PAXBP1: variants seen among roughly 807,000 people sequenced by gnomAD.
PAXBP1 encodes the protein PAX3- and PAX7-binding protein 1.
Under a neutral mutation model 119.9 loss-of-function variants are expected in PAXBP1, and 44 were observed. The observed-to-expected ratio is 0.37, with a 90% confidence interval of 0.29 to 0.47. The LOEUF is 0.47. PAXBP1 is among the 20% of genes least tolerant of loss of function. The pLI, the probability that PAXBP1 is intolerant of heterozygous loss-of-function variation, is 0.99. For synonymous variants in PAXBP1, 393 were observed against 406.6 expected, an observed-to-expected ratio of 0.97 and a Z score of 0.40; for missense variants, 898 against 1,134.1, an observed-to-expected ratio of 0.79 and a Z score of 2.99.
intron 8 of PAXBP1, chr21:32,751,801 C>T (rs1037351505): frequency 6.6e-6 from 1 of 152,220 alleles, no homozygotes; most frequent in Non-Finnish European, 1.5e-5. Context: ...TTCTCTTTCA[C>T]AGCATAGTTT....
rs1229808827 is a variant in PAXBP1, at chr21:32,751,184, A to G, written c.1542T>C (p.Phe514=). The G allele has an allele frequency of 4.3e-6, 7 of 1,614,020 alleles. No individual in the cohort carries two copies. The Admixed American group carries it at 6.7e-5, about 15-fold the overall frequency. The change falls in exon 9 of 18, where the codon TTT becomes TTC. Residue 514 remains phenylalanine (F), a synonymous_variant. Coordinates refer to ENST00000331923, the MANE Select transcript of PAXBP1 (RefSeq NM_016631.4). ...KALMAPNLDS[F]GRDRALYQEH... is the part of the protein sequence containing the mutation. ...CTTGATACAGTGCCCGATCGCGTCC[A>G]AAGGAGTCAAGATTTGGTGCCATCA...
At chr21:32,767,217 G>A (rs1479630573) in intron 2 of PAXBP1, among the ~76,000 whole-genome samples, 1 of 152,184 alleles carries the variant, frequency 6.6e-6, no homozygotes, top group African/African-American at 2.4e-5. Context: ...AGTCAATACC[G>A]TGGTTATTTT....
chr21:32,759,620 T>C, intron 6 of PAXBP1, 157 bp downstream of exon 6: 1 of 685,450 alleles, frequency 1.5e-6, no homozygotes, highest in Non-Finnish European at 2.5e-6. Flanking sequence ...TCCAAGAAGG[T>C]AGCAGAACAA....
chr21:32,759,378 A>T, intron 6 of PAXBP1, 109 bp from the exon 7 acceptor site: 1 of 1,063,428 alleles, frequency 9.4e-7, no homozygotes, highest in East Asian at 2.6e-5. Context: ...AGAACATAAA[A>T]ATATTTGGAA....
intron 1 of PAXBP1, among the ~76,000 whole-genome samples, chr21:32,770,930 G>C (rs1212135000): frequency 6.6e-6 from 1 of 152,216 alleles, no homozygotes; most frequent in African/African-American, 2.4e-5. Context: ...TGCCTGGACA[G>C]AGCATCCAAG....
At chr21:32,761,849 G>GT (rs1351618763) in intron 4 of PAXBP1, among the ~76,000 whole-genome samples, 1 of 152,138 alleles carries the variant, frequency 6.6e-6, no homozygotes, top group African/African-American at 2.4e-5. Context: ...ACCAGACACA[G>GT]TGAGACCCCA....
chr21:32,761,957 T>C, intron 4 of PAXBP1, 139 bp downstream of exon 4: 1 of 818,092 alleles, frequency 1.2e-6, no homozygotes, highest in Non-Finnish European at 1.9e-6. Context: ...GGTGACTGTT[T>C]GAGTCCACGA....
intron 1 of PAXBP1, 58 bp downstream of exon 1, chr21:32,771,255 TACGGGGGCGGGGG>T: frequency 1.5e-5 from 21 of 1,377,612 alleles, no homozygotes; most frequent in Non-Finnish European, 1.8e-5. Context: ...GTCCAGAGAA[TACGGGGGCGGGGG>T]ACGGGGGCCT....
At position 32,759,259 on chromosome 21, in the gene PAXBP1, T is replaced by C. The variant is rs2044095830; in HGVS notation, c.1204A>G (p.Met402Val). 3 of 1,613,892 alleles carry C rather than the reference T, an allele frequency of 1.9e-6. No homozygotes were observed. The highest frequency in any genetic ancestry group is 2.5e-6 in the Non-Finnish European group (3 of 1,179,860). The change falls in exon 7 of 18, where the codon ATG becomes GTG. Residue 402 changes from methionine (M) to valine (V), a missense_variant. Coordinates refer to ENST00000331923, the MANE Select transcript of PAXBP1 (RefSeq NM_016631.4). ...CGATTTGTTTTGTGCAATTCTTTCA[T>C]GGAGTCCAACCTTAGGAACACAAAA... is the stretch of plus-strand genomic sequence containing the variant. ...KKQLKDRLDS[M>V]KELHKTNRQQ... is the part of the protein sequence containing the mutation.
intron 3 of PAXBP1, among the ~76,000 whole-genome samples, chr21:32,763,035 GTTTTT>G: frequency 6.6e-6 from 1 of 151,866 alleles, no homozygotes; most frequent in African/African-American, 2.4e-5. Flanking sequence ...CTTGCAGATA[GTTTTT>G]AGTTTACCTG....
chr21:32,735,503 A>G (rs774926481), intron 17 of PAXBP1, among the ~76,000 whole-genome samples: 1 of 152,236 alleles, frequency 6.6e-6, no homozygotes, highest in Non-Finnish European at 1.5e-5. Flanking sequence ...AAGATCCAGC[A>G]TAATTTCCAC....
At chr21:32,751,410 T>C (rs189905748) in intron 8 of PAXBP1, 192 bp from the exon 9 acceptor site, 130 of 496,416 alleles carry the variant, frequency 2.6e-4, no homozygotes, top group African/African-American at 2.0e-3. Context: ...TTTTAAAAAG[T>C]AGAAAAATTA....
rs968911047 is a variant in PAXBP1 at position 32,759,095 on chromosome 21, C to T, written c.1368G>A (p.Glu456=). 1 of 1,613,608 alleles carries T rather than the reference C, an allele frequency of 6.2e-7. No homozygotes were observed. The highest frequency in any genetic ancestry group is 1.7e-5 in the Admixed American group (1 of 59,976). The part of the protein sequence containing the change: ...EMRGYVQDLL[E]CFSEKVPLIN... ...GCATTCTTACCTTTTCACTGAAACACTCAAGCAAGTCTTGGACATACCCTC... is the reference window on the plus strand; with the variant it reads ...GCATTCTTACCTTTTCACTGAAACATTCAAGCAAGTCTTGGACATACCCTC... The change falls in exon 7 of 18, where the codon GAG becomes GAA. Residue 456 remains glutamate (E), a synonymous_variant. Coordinates refer to ENST00000331923, the MANE Select transcript of PAXBP1 (RefSeq NM_016631.4).
chr21:32,734,223 T>A lies in PAXBP1; in HGVS notation c.*727A>T, dbSNP rs1894157703. ...GCTGGGCAGGGAGTAAAATCATGAATGAGACAGGACGGTCAGCCCAAAACC... is the reference window on the plus strand; with the variant it reads ...GCTGGGCAGGGAGTAAAATCATGAAAGAGACAGGACGGTCAGCCCAAAACC... On this transcript the variant is annotated 3_prime_UTR_variant, in exon 18 of 18. Transcript: ENST00000331923. 2 of 152,780 alleles carry A rather than the reference T, an allele frequency of 1.3e-5. No individual in the cohort carries two copies. The highest frequency in any genetic ancestry group is 4.8e-5 in the African/African-American group (2 of 41,578). The allele number at this position is 152,780 out of a possible 1,614,324, so 9.5% of individuals were successfully genotyped here. A position where few individuals can be genotyped will look rare whatever the true frequency, so the allele number is the denominator to read the frequency against.
chr21:32,755,438 A>G, intron 7 of PAXBP1, 85 bp from the exon 8 acceptor site: 5 of 1,539,008 alleles, frequency 3.2e-6, no homozygotes, highest in Non-Finnish European at 4.4e-6. Context: ...CGGATTTCTG[A>G]AAAAGTACCC....
intron 10 of PAXBP1, among the ~76,000 whole-genome samples, chr21:32,748,969 A>G (rs916988700): frequency 1.7e-4 from 26 of 152,186 alleles, no homozygotes; most frequent in Non-Finnish European, 4.4e-5. Flanking sequence ...CCTGTTCCCA[A>G]ACAAGATGGT....
chr21:32,771,721 A>G lies in PAXBP1; in HGVS notation c.-53T>C. The G allele has an allele frequency of 1.5e-6, 2 of 1,325,442 alleles. No individual in the cohort carries two copies. The highest frequency in any genetic ancestry group is 1.9e-6 in the Non-Finnish European group (2 of 1,034,338). The allele number at this position is 1,325,442 out of a possible 1,614,324, so 82.1% of individuals were successfully genotyped here. On this transcript the variant is annotated 5_prime_UTR_variant, in exon 1 of 18. Coordinates refer to ENST00000331923, the MANE Select transcript of PAXBP1 (RefSeq NM_016631.4). The stretch of plus-strand genomic sequence containing the variant: ...CTCGCTTCCACACCGCGGCCCCGGC[A>G]GCGCCGAGCTCGTGACGGCGCACGC...
At chr21:32,750,800 A>T in intron 10 of PAXBP1, 117 bp downstream of exon 10, 1 of 728,368 alleles carries the variant, frequency 1.4e-6, no homozygotes, top group Non-Finnish European at 2.2e-6. Flanking sequence ...GCAATTAAAA[A>T]AGAAGTGTCT....
In PAXBP1 at chr21:32,764,477, C is replaced by T. The variant is rs1165975434; in HGVS notation, c.520G>A (p.Glu174Lys). 6.2e-7 allele frequency: 1 copy of T among 1,613,698 alleles called. No homozygotes were observed. The highest frequency in any genetic ancestry group is 1.1e-5 in the South Asian group (1 of 91,048). ...TGTTCACTGATGATAACTCCATCTT[C>T]TTGATTTGTATCCTTAACATGTCCT... ...KTGHVKDTNQ[E>K]DGVIISEHGE... The change falls in exon 3 of 18, where the codon GAA becomes AAA. Residue 174 changes from glutamate to lysine, a missense_variant. Around this residue, in one of 2 missense-constraint regions of PAXBP1, gnomAD observed 299 missense variants for 281.4 expected, o/e 1.06. Transcript: ENST00000331923.
Sources: allele counts gnomAD v4.1 joint callset (sites outside exome capture counted in the v4.1 genomes callset), GRCh38; gene constraint gnomAD v4.1.1; regional missense constraint gnomAD v4.1.1; transcripts MANE v1.5; gene names NCBI Gene and HGNC (gene_info 2026-07-23, HGNC 2026-07-21).